The following TCERG1L variants were observed in gnomAD, a reference collection of about 807,000 sequenced individuals.
TCERG1L encodes transcription elongation regulator 1 like, also known as transcription elongation regulator 1-like protein.
A neutral mutation model predicts 56.3 loss-of-function variants in TCERG1L; 37 were observed. That is an observed-to-expected ratio of 0.66 (90% CI 0.51 to 0.87). The LOEUF (loss-of-function observed/expected upper bound fraction) is 0.87, where lower values mean the gene tolerates loss of function less well. Ranked by LOEUF, TCERG1L falls within the 40% of genes least tolerant of loss-of-function variation. TCERG1L has a pLI of 0.00. For synonymous variants in TCERG1L, 324 were observed against 326.3 expected, an observed-to-expected ratio of 0.99 and a Z score of 0.08; for missense variants, 799 against 774.2, an observed-to-expected ratio of 1.03 and a Z score of -0.38.
At chr10:131,180,643 G>A (rs940756650) in intron 4 of TCERG1L, among the ~76,000 whole-genome samples, 3 of 152,166 alleles carry the variant, frequency 2.0e-5, no homozygotes, top group African/African-American at 7.2e-5. Context: ...AAAATGAAGT[G>A]TTGGAGCCGT....
chr10:131,284,369 A>G (rs1297652031), intron 3 of TCERG1L, among the ~76,000 whole-genome samples: 1 of 152,160 alleles, frequency 6.6e-6, no homozygotes, highest in African/African-American at 2.4e-5. Flanking sequence ...AGTGATAACA[A>G]AAATAGTACA....
Position 131,098,302 on chromosome 10 carries a change from A to G in TCERG1L, c.1604+4T>C, listed in dbSNP as rs1845269850. 2.6e-6 allele frequency: 4 copies of G among 1,550,648 alleles called. No individual in the cohort carries two copies. In the East Asian group the frequency reaches 7.3e-5, roughly 28 times the overall value. ...AATCATCCGGTATATTTCTCTCTCC[A>G]TACCTGGGAGACACTTTAGATTCCT... On this transcript the variant is annotated splice_donor_region_variant and intron_variant, in intron 11 of 11. Coordinates refer to ENST00000368642, the MANE Select transcript of TCERG1L (RefSeq NM_174937.4).
chr10:131,165,524 A>C (rs1211221435), intron 5 of TCERG1L, among the ~76,000 whole-genome samples: 1 of 152,232 alleles, frequency 6.6e-6, no homozygotes, highest in African/African-American at 2.4e-5. Context: ...GTCAGGATAA[A>C]TAATTGGCAT....
intron 4 of TCERG1L, among the ~76,000 whole-genome samples, chr10:131,183,976 C>T (rs1845209485): frequency 6.6e-6 from 1 of 152,190 alleles, no homozygotes; most frequent in Admixed American, 6.5e-5. Context: ...ATCTCAGTGA[C>T]CAGCCCTTGT....
intron 3 of TCERG1L, among the ~76,000 whole-genome samples, chr10:131,302,415 G>A (rs1332849811): frequency 6.7e-6 from 1 of 148,586 alleles, no homozygotes; most frequent in South Asian, 2.1e-4. Context: ...TACATATATT[G>A]ACTTATTTTC....
intron 6 of TCERG1L, among the ~76,000 whole-genome samples, chr10:131,157,557 T>C (rs1845936709): frequency 6.6e-6 from 1 of 151,878 alleles, no homozygotes; most frequent in South Asian, 2.1e-4. Flanking sequence ...TTTAATTCCC[T>C]CAAAATTACT....
intron 9 of TCERG1L, among the ~76,000 whole-genome samples, chr10:131,116,364 C>T (rs1289898703): frequency 1.3e-5 from 2 of 152,206 alleles, no homozygotes; most frequent in African/African-American, 4.8e-5. Context: ...TGGCCCAGCT[C>T]CCACAGGAAC....
Position 131,249,005 on chromosome 10 carries a change from G to A in TCERG1L, c.856+11254C>T, listed in dbSNP as rs927866378. Among the ~76,000 whole-genome samples the A allele has an allele frequency of 8.5e-5, 13 of 152,226 alleles. 1 individual carries two copies. The highest frequency in any genetic ancestry group is 3.1e-4 in the African/African-American group (13 of 41,478). ...TGGGATGGAGCTGACCTGGTGCACA[G>A]AGGCGATGCCTCTGACTTGGGGCAC... On this transcript the variant is annotated intron_variant, in intron 4 of 11. Transcript: ENST00000368642.
intron 4 of TCERG1L, among the ~76,000 whole-genome samples, chr10:131,241,134 C>T (rs950758877): frequency 2.0e-5 from 3 of 152,166 alleles, no homozygotes; most frequent in Non-Finnish European, 4.4e-5. Context: ...GGTGATGAAA[C>T]AAGACAGTGT....
chr10:131,154,167 A>G (rs1236709726), intron 6 of TCERG1L, among the ~76,000 whole-genome samples: 1 of 152,188 alleles, frequency 6.6e-6, no homozygotes, highest in Admixed American at 6.5e-5. Flanking sequence ...ATCCCAGAGG[A>G]TATAGTTAGT....
intron 3 of TCERG1L, among the ~76,000 whole-genome samples, chr10:131,278,332 T>A (rs1846414701): frequency 6.7e-6 from 1 of 150,372 alleles, no homozygotes; most frequent in African/African-American, 2.4e-5. Flanking sequence ...TCGTCTTTTC[T>A]TTTTTCTTTT....
intron 7 of TCERG1L, among the ~76,000 whole-genome samples, chr10:131,135,859 G>A (rs962409510): frequency 7.2e-5 from 11 of 152,262 alleles, no homozygotes; most frequent in Non-Finnish European, 1.6e-4. Context: ...CATGGGCAGT[G>A]CAGAGCGGGG....
At chr10:131,278,455 C>T (rs948404368) in intron 3 of TCERG1L, among the ~76,000 whole-genome samples, 2 of 151,598 alleles carry the variant, frequency 1.3e-5, no homozygotes, top group Non-Finnish European at 1.5e-5. Context: ...CTCCTGCCTC[C>T]GCCTCCCAAG....
rs891363436 is a variant in TCERG1L at position 131,311,522 on chromosome 10, G to GGGCGGCGGC, written c.105_113dup (p.Pro36_Pro38dup). 6 of 1,200,386 alleles carry GGGCGGCGGC rather than the reference G, an allele frequency of 5.0e-6. No homozygotes were observed. The highest frequency in any genetic ancestry group is 6.2e-6 in the Non-Finnish European group (6 of 965,584). The allele number at this position is 1,200,386 out of a possible 1,614,324, so 74.4% of individuals were successfully genotyped here. On this transcript the variant is annotated inframe_insertion, in exon 1 of 12. Coordinates refer to ENST00000368642, the MANE Select transcript of TCERG1L (RefSeq NM_174937.4). This position sits in a 1 kb window ranked among gnomAD's most constrained non-coding sequence, Gnocchi z 4.0. ...CCGAGCCCGGCACCATCCAGACCCA[G>GGGCGGCGGC]GGCGGCGGCGGCGGCGGCTCTGCGT...
chr10:131,149,660 A>G (rs972672881), intron 6 of TCERG1L, among the ~76,000 whole-genome samples: 3 of 152,180 alleles, frequency 2.0e-5, no homozygotes, highest in African/African-American at 7.2e-5. Flanking sequence ...CCACAGGCAG[A>G]GCCTATTATT....
chr10:131,253,583 T>G lies in TCERG1L; in HGVS notation c.856+6676A>C, dbSNP rs531851386. Among the ~76,000 whole-genome samples the G allele has an allele frequency of 2.6e-5, 4 of 152,312 alleles. No homozygotes were observed. The South Asian group carries it at 8.3e-4, about 32-fold the overall frequency. On this transcript the variant is annotated intron_variant, in intron 4 of 11. Coordinates refer to ENST00000368642, the MANE Select transcript of TCERG1L (RefSeq NM_174937.4). ...TATTCAGCGGCTGGGTGACGTGGCATTCACCGTGCTGAACGCTTCCTGACT... is the reference window on the plus strand; with the variant it reads ...TATTCAGCGGCTGGGTGACGTGGCAGTCACCGTGCTGAACGCTTCCTGACT...
rs1326605454 is a variant in TCERG1L, at chr10:131,260,005, A to T, written c.856+254T>A. On this transcript the variant is annotated intron_variant, in intron 4 of 11. Transcript: ENST00000368642. This position sits in a 1 kb window ranked among gnomAD's most constrained non-coding sequence, Gnocchi z 5.8. Reference sequence around the variant, plus strand: ...AGTAAAGAGAAGTCTCATTTCCTCAAACGGAAGCTTTCACCTTGGCTTTAC... The same window carrying T: ...AGTAAAGAGAAGTCTCATTTCCTCATACGGAAGCTTTCACCTTGGCTTTAC... Among the ~76,000 whole-genome samples the T allele has an allele frequency of 6.6e-6, 1 of 152,224 alleles. No homozygotes were observed. Among genetic ancestry groups the T allele is most frequent in the Non-Finnish European group, 1.5e-5 (1 of 68,032 alleles).
At chr10:131,252,234 G>A (rs894485177) in intron 4 of TCERG1L, among the ~76,000 whole-genome samples, 9 of 152,174 alleles carry the variant, frequency 5.9e-5, no homozygotes, top group Non-Finnish European at 1.2e-4. Context: ...TGCACAGATA[G>A]CTGTTTGAGA....
intron 11 of TCERG1L, among the ~76,000 whole-genome samples, chr10:131,094,248 G>C (rs570835960): frequency 2.0e-5 from 3 of 152,230 alleles, no homozygotes; most frequent in Admixed American, 2.0e-4. Flanking sequence ...AGATGCACTC[G>C]CTTGTCCAGC....
Sources: gnomAD v4.1 joint callset for allele counts (sites outside exome capture counted in the v4.1 genomes callset) on GRCh38, gnomAD v4.1.1 for gene constraint, Gnocchi (gnomAD v3.1) non-coding constraint, MANE v1.5 for transcripts, NCBI Gene and HGNC (gene_info 2026-07-23, HGNC 2026-07-21) for gene names.